CNTN5: variants seen among roughly 807,000 people sequenced by gnomAD.
CNTN5 encodes contactin-5.
CNTN5 carries 77 observed loss-of-function variants against 129.1 expected under a neutral mutation model. The ratio of observed to expected loss-of-function variants is 0.60; its 90% CI spans 0.50 to 0.72. The LOEUF (loss-of-function observed/expected upper bound fraction) is 0.72, where lower values mean the gene tolerates loss of function less well. Ranked by LOEUF, CNTN5 falls within the 30% of genes least tolerant of loss-of-function variation. The pLI is 0.00. For missense variants in CNTN5, 1,478 were observed against 1,328.8 expected (o/e 1.11, Z -1.75); for synonymous variants, 509 against 465.6 (o/e 1.09, Z -1.20).
rs185457486 is a variant in CNTN5, at chr11:99,181,613, C to A, written c.-209-143733C>A. 1.2e-4 allele frequency among the ~76,000 whole-genome samples: 18 copies of A among 152,162 alleles called. 1 individual carries two copies. In the East Asian group the frequency reaches 3.5e-3, roughly 29 times the overall value. On this transcript the variant is annotated intron_variant, in intron 1 of 24. Transcript: ENST00000524871. ...AGCCTAAGACATGATGACCCAGGTA[C>A]TGATTACTAGCAGACAGGTTATTCT...
intron 3 of CNTN5, among the ~76,000 whole-genome samples, chr11:99,682,882 C>T (rs1394889322): frequency 6.6e-6 from 1 of 151,948 alleles, no homozygotes; most frequent in African/African-American, 2.4e-5. Flanking sequence ...TCATAAGTTA[C>T]ATAAAACATT....
chr11:99,950,868 A>G (rs1368285168), intron 7 of CNTN5, among the ~76,000 whole-genome samples: 1 of 152,138 alleles, frequency 6.6e-6, no homozygotes. Context: ...TATAATGATA[A>G]AATATAGGCT....
chr11:99,990,101 G>A (rs1465834339), intron 8 of CNTN5, among the ~76,000 whole-genome samples: 1 of 151,942 alleles, frequency 6.6e-6, no homozygotes, highest in African/African-American at 2.4e-5. Context: ...AAACTTTCAT[G>A]TTTGGTAAAT....
chr11:99,839,326 T>A lies in CNTN5; in HGVS notation c.278-5526T>A, dbSNP rs190899622. ...ATAAAGGTAAAATAATCGGGTGAAG[T>A]CTGTGTGAAAGTGGACAAATGACTC... is the stretch of plus-strand genomic sequence containing the variant. On this transcript the variant is annotated intron_variant, in intron 4 of 24. Coordinates refer to ENST00000524871, the MANE Select transcript of CNTN5 (RefSeq NM_014361.4). 2.0e-4 allele frequency among the ~76,000 whole-genome samples: 31 copies of A among 152,286 alleles called. No homozygotes were observed. The East Asian group carries it at 5.8e-3, about 28-fold the overall frequency.
chr11:99,578,730 C>G (rs1203186384), intron 3 of CNTN5, among the ~76,000 whole-genome samples: 1 of 151,730 alleles, frequency 6.6e-6, no homozygotes, highest in East Asian at 1.9e-4. Flanking sequence ...TGGATATTAG[C>G]CCTTTGTCAG....
intron 1 of CNTN5, among the ~76,000 whole-genome samples, chr11:99,094,494 C>A (rs543011797): frequency 6.6e-6 from 1 of 151,902 alleles, no homozygotes; most frequent in Non-Finnish European, 1.5e-5. Context: ...TAGGTAGAAA[C>A]AAAATCTCAG....
At chr11:99,047,386 A>C (rs1864256569) in intron 1 of CNTN5, among the ~76,000 whole-genome samples, 1 of 151,526 alleles carries the variant, frequency 6.6e-6, no homozygotes, top group African/African-American at 2.4e-5. Context: ...TTTGGCAAAA[A>C]AAAAAAAAAA....
chr11:100,308,246 C>G (rs1391231993), intron 20 of CNTN5, 113 bp from the exon 21 acceptor site: 1 of 886,488 alleles, frequency 1.1e-6, no homozygotes, highest in African/African-American at 1.7e-5. Context: ...ATAACTACCA[C>G]AGCACTTCAT....
intron 6 of CNTN5, among the ~76,000 whole-genome samples, chr11:99,864,634 A>G (rs1245442408): frequency 1.3e-5 from 2 of 151,842 alleles, no homozygotes; most frequent in Non-Finnish European, 2.9e-5. Context: ...CTCTGATACC[A>G]TTTTCCTCAA....
chr11:100,130,680 A>G (rs1199311989), intron 13 of CNTN5, among the ~76,000 whole-genome samples: 2 of 152,060 alleles, frequency 1.3e-5, no homozygotes, highest in Admixed American at 6.6e-5. Flanking sequence ...TACGTTGCTC[A>G]GGAGGCATGC....
Position 99,632,893 on chromosome 11 carries a change from TG to T in CNTN5, c.55+76631del, listed in dbSNP as rs148978996. ...TCCTTAATTACTTAAGGTATCTTCTTGGGGGGGTTACAAAAATAGTCATCTT... is the reference window on the plus strand; with the variant it reads ...TCCTTAATTACTTAAGGTATCTTCTTGGGGGGTTACAAAAATAGTCATCTT... On this transcript the variant is annotated intron_variant, in intron 3 of 24. Transcript: ENST00000524871. 8.9e-4 allele frequency among the ~76,000 whole-genome samples: 135 copies of T among 152,070 alleles called. 3 individuals carry two copies. The East Asian group carries it at 0.022, about 25-fold the overall frequency.
At chr11:100,268,038 G>A (rs549904125) in intron 17 of CNTN5, among the ~76,000 whole-genome samples, 1 of 152,118 alleles carries the variant, frequency 6.6e-6, no homozygotes, top group Middle Eastern at 3.2e-3. Flanking sequence ...AACAGTATGA[G>A]AGAAAAAGAA....
intron 3 of CNTN5, among the ~76,000 whole-genome samples, chr11:99,647,512 C>T (rs767757533): frequency 2.6e-5 from 4 of 151,792 alleles, no homozygotes; most frequent in Admixed American, 2.0e-4. Flanking sequence ...TATTATTTTT[C>T]ACTATTAATG....
chr11:99,089,503 C>A (rs1866149984), intron 1 of CNTN5, among the ~76,000 whole-genome samples: 1 of 152,102 alleles, frequency 6.6e-6, no homozygotes, highest in African/African-American at 2.4e-5. Flanking sequence ...TGTTTCTTAG[C>A]AAGTAAATGA....
intron 3 of CNTN5, among the ~76,000 whole-genome samples, chr11:99,701,064 T>C (rs1228396149): frequency 6.6e-6 from 1 of 151,388 alleles, no homozygotes; most frequent in African/African-American, 2.4e-5. Context: ...TTAAAATATG[T>C]CCATTAATTT....
chr11:99,700,157 C>T (rs1011614956), intron 3 of CNTN5, among the ~76,000 whole-genome samples: 6 of 151,336 alleles, frequency 4.0e-5, no homozygotes, highest in African/African-American at 1.5e-4. Context: ...TTTTTAATTT[C>T]TTCTCTTTAA....
intron 1 of CNTN5, among the ~76,000 whole-genome samples, chr11:99,310,871 T>C (rs1404061218): frequency 1.3e-5 from 2 of 152,220 alleles, no homozygotes; most frequent in African/African-American, 4.8e-5. Context: ...CTGTGTCTAT[T>C]AAGATGAGCA....
At position 100,153,691 on chromosome 11, in the gene CNTN5, C is replaced by A. The variant is rs113323175; in HGVS notation, c.1581-37435C>A. Among the ~76,000 whole-genome samples, 645 of 152,154 alleles carry A rather than the reference C, an allele frequency of 4.2e-3. 3 individuals are homozygous for A. Among genetic ancestry groups the A allele is most frequent in the African/African-American group, 0.012 (479 of 41,540 alleles). Reference sequence around the variant, plus strand: ...ATAAAAAGCCTTTCGCAAGAAAAAACTATGCCAAAACATTATATCTGGTAT... The same window carrying A: ...ATAAAAAGCCTTTCGCAAGAAAAAAATATGCCAAAACATTATATCTGGTAT... On this transcript the variant is annotated intron_variant, in intron 13 of 24. Transcript: ENST00000524871.
At chr11:99,529,370 G>C (rs1024646863) in intron 2 of CNTN5, among the ~76,000 whole-genome samples, 4 of 152,164 alleles carry the variant, frequency 2.6e-5, no homozygotes, top group African/African-American at 9.7e-5. Context: ...TTGTCAACTT[G>C]GCACCTGTAA....
Sources: gnomAD v4.1 joint callset for allele counts (sites outside exome capture counted in the v4.1 genomes callset) on GRCh38, gnomAD v4.1.1 for gene constraint, MANE v1.5 for transcripts, NCBI Gene and HGNC (gene_info 2026-07-23, HGNC 2026-07-21) for gene names.